Variants in SYNPR observed in about 807,000 individuals in gnomAD.
SYNPR encodes synaptoporin.
A neutral mutation model predicts 32.9 loss-of-function variants in SYNPR; 23 were observed. The ratio of observed to expected loss-of-function variants is 0.70; its 90% CI spans 0.50 to 0.99. SYNPR has a LOEUF of 0.99. Among genes scored for constraint, SYNPR ranks in the 50% least tolerant of loss-of-function variants. SYNPR has a pLI of 0.00. For synonymous variants in SYNPR, 146 were observed against 135.9 expected (o/e 1.07, Z -0.52); for missense variants, 318 against 349.3 (o/e 0.91, Z 0.71).
chr3:63,462,127 TTCTG>T (rs1193053162), intron 2 of SYNPR, among the ~76,000 whole-genome samples: 3 of 152,150 alleles, frequency 2.0e-5, no homozygotes, highest in South Asian at 4.1e-4. Context: ...TCACAGAATT[TTCTG>T]TCTGAGTCTG....
chr3:63,535,172 A>C (rs1029481382), intron 3 of SYNPR, among the ~76,000 whole-genome samples: 2 of 152,130 alleles, frequency 1.3e-5, no homozygotes, highest in African/African-American at 2.4e-5. Context: ...CATACATACA[A>C]TTACAGATGT....
At position 63,313,205 on chromosome 3, in the gene SYNPR, T is replaced by C. The variant is rs563278656; in HGVS notation, c.84+34463T>C. On this transcript the variant is annotated intron_variant, in intron 2 of 5. Transcript: ENST00000478300. ...AGTGGCCACTTCAGTTGAAGAAAGG[T>C]TGATCTGATTTTTTTTATTATTGTA... Among the ~76,000 whole-genome samples, 104 of 151,962 alleles carry C rather than the reference T, an allele frequency of 6.8e-4. 1 individual carries two copies. The highest frequency in any genetic ancestry group is 2.4e-3 in the African/African-American group (99 of 41,490).
chr3:63,245,764 T>G (rs917713721), intron 1 of SYNPR, among the ~76,000 whole-genome samples: 1 of 146,404 alleles, frequency 6.8e-6, no homozygotes, highest in African/African-American at 2.6e-5. Context: ...TGTGTGTGTG[T>G]GTGGTATATT....
intron 4 of SYNPR, among the ~76,000 whole-genome samples, chr3:63,576,238 C>A (rs1032009389): frequency 1.3e-5 from 2 of 152,132 alleles, no homozygotes; most frequent in Admixed American, 1.3e-4. Flanking sequence ...GTTAACCTGT[C>A]AGAATAAAAT....
intron 2 of SYNPR, among the ~76,000 whole-genome samples, chr3:63,313,525 T>A (rs551844318): frequency 4.0e-5 from 6 of 150,724 alleles, no homozygotes; most frequent in African/African-American, 1.5e-4. Flanking sequence ...TCCAGGTCAC[T>A]GCAAATGCTG....
intron 3 of SYNPR, among the ~76,000 whole-genome samples, chr3:63,486,493 C>A (rs1323356770): frequency 6.6e-6 from 1 of 152,176 alleles, no homozygotes; most frequent in Non-Finnish European, 1.5e-5. Flanking sequence ...CCTTTTCTGT[C>A]TCACTTCTCC....
intron 3 of SYNPR, among the ~76,000 whole-genome samples, chr3:63,269,667 C>T (rs1414819901): frequency 6.6e-6 from 1 of 151,914 alleles, no homozygotes; most frequent in South Asian, 2.1e-4. Context: ...ACATTCTGTA[C>T]CACAAATATC....
At chr3:63,392,811 A>G (rs2088157000) in intron 2 of SYNPR, among the ~76,000 whole-genome samples, 1 of 151,998 alleles carries the variant, frequency 6.6e-6, no homozygotes, top group Admixed American at 6.6e-5. Context: ...TATACAAGTG[A>G]TTTTTGGATA....
intron 2 of SYNPR, among the ~76,000 whole-genome samples, chr3:63,422,680 G>C (rs1378412160): frequency 1.3e-5 from 2 of 152,006 alleles, no homozygotes; most frequent in African/African-American, 4.8e-5. Flanking sequence ...AGCAATGATG[G>C]GACATAATGG....
chr3:63,259,540 C>T (rs979162680), intron 2 of SYNPR, among the ~76,000 whole-genome samples: 11 of 152,280 alleles, frequency 7.2e-5, no homozygotes, highest in African/African-American at 1.9e-4. Context: ...ATGCTAAAAA[C>T]TCTCAATAAA....
chr3:63,591,812 G>C (rs12397643), intron 4 of SYNPR, among the ~76,000 whole-genome samples: 14 of 120,252 alleles, frequency 1.2e-4, no homozygotes, highest in African/African-American at 2.5e-4. Flanking sequence ...GTGGTGGGGT[G>C]GGGGGAGGGG....
intron 2 of SYNPR, chr3:63,452,134 T>C: frequency 1.4e-6 from 1 of 702,002 alleles, no homozygotes; most frequent in South Asian, 1.5e-5. Context: ...GTTTTCTTAT[T>C]TGCTCACTCA....
intron 2 of SYNPR, among the ~76,000 whole-genome samples, chr3:63,375,851 G>T (rs1459933913): frequency 6.6e-6 from 1 of 152,128 alleles, no homozygotes; most frequent in Non-Finnish European, 1.5e-5. Flanking sequence ...TTATGAGTGT[G>T]CAGTGATCCA....
intron 2 of SYNPR, among the ~76,000 whole-genome samples, chr3:63,323,254 T>A (rs543572394): frequency 6.6e-6 from 1 of 152,100 alleles, no homozygotes; most frequent in Admixed American, 6.6e-5. Flanking sequence ...CCAGAGGAAA[T>A]AAGAAAGAGC....
At chr3:63,379,977 G>T (rs1281152500) in intron 2 of SYNPR, among the ~76,000 whole-genome samples, 2 of 152,038 alleles carry the variant, frequency 1.3e-5, no homozygotes, top group African/African-American at 2.4e-5. Context: ...TGAGAATGAT[G>T]GTTTCCAGCT....
intron 2 of SYNPR, among the ~76,000 whole-genome samples, chr3:63,354,676 T>G (rs2087551561): frequency 6.6e-6 from 1 of 152,224 alleles, no homozygotes; most frequent in Admixed American, 6.5e-5. Flanking sequence ...TAATGTATGT[T>G]GTGTTCTTAC....
intron 3 of SYNPR, among the ~76,000 whole-genome samples, chr3:63,511,301 A>G (rs190515314): frequency 7.9e-4 from 121 of 152,226 alleles, no homozygotes; most frequent in Admixed American, 1.6e-3. Flanking sequence ...CTTGTAAGAA[A>G]GAGGAGGAGT....
intron 2 of SYNPR, among the ~76,000 whole-genome samples, chr3:63,308,642 C>T (rs948124841): frequency 2.0e-5 from 3 of 151,934 alleles, no homozygotes; most frequent in Non-Finnish European, 4.4e-5. Flanking sequence ...GCTCCACTGT[C>T]TTGTTACTTG....
chr3:63,387,880 A>T (rs2107079344), intron 2 of SYNPR, among the ~76,000 whole-genome samples: 1 of 152,344 alleles, frequency 6.6e-6, no homozygotes, highest in South Asian at 2.1e-4. Flanking sequence ...GTTGCCTAGG[A>T]AGCCAACCCT....
Sources: gnomAD v4.1 joint callset for allele counts (sites outside exome capture counted in the v4.1 genomes callset) on GRCh38, gnomAD v4.1.1 for gene constraint, MANE v1.5 for transcripts, NCBI Gene and HGNC (gene_info 2026-07-23, HGNC 2026-07-21) for gene names.